The following IL17B variants were observed in gnomAD, a reference collection of about 807,000 sequenced individuals.
IL17B encodes interleukin 17B, also known as interleukin-17B.
IL17B carries 14 observed loss-of-function variants against 14.7 expected under a neutral mutation model. That is an observed-to-expected ratio of 0.95 (90% CI 0.63 to 1.49). The LOEUF (loss-of-function observed/expected upper bound fraction) is 1.49, where lower values mean the gene tolerates loss of function less well. Among genes scored for constraint, IL17B ranks in the 40% most tolerant of loss-of-function variants. The pLI, the probability that IL17B is intolerant of heterozygous loss-of-function variation, is 0.00. For missense variants in IL17B, 233 were observed against 252.8 expected, an observed-to-expected ratio of 0.92 and a Z score of 0.53; for synonymous variants, 105 against 94.8, an observed-to-expected ratio of 1.11 and a Z score of -0.62.
chr5:149,387,934 G>C (rs1286208019), intron 1 of IL17B, among the ~76,000 whole-genome samples: 1 of 152,202 alleles, frequency 6.6e-6, no homozygotes, highest in East Asian at 1.9e-4. Flanking sequence ...ATGTAAGTTG[G>C]GCCCCTGAGG....
At chr5:149,401,225 G>A (rs1001811622) in intron 1 of IL17B, among the ~76,000 whole-genome samples, 2 of 152,180 alleles carry the variant, frequency 1.3e-5, no homozygotes, top group African/African-American at 4.8e-5. Context: ...ATAAGCTTCC[G>A]ATTCCCTGTA....
intron 1 of IL17B, among the ~76,000 whole-genome samples, chr5:149,386,961 G>A (rs929750888): frequency 1.3e-5 from 2 of 152,084 alleles, no homozygotes; most frequent in Admixed American, 6.5e-5. Context: ...CCGCCTCAGC[G>A]TCCCAAAGTG....
chr5:149,385,661 T>C (rs1758811158), intron 1 of IL17B, among the ~76,000 whole-genome samples: 2 of 152,182 alleles, frequency 1.3e-5, no homozygotes, highest in Admixed American at 1.3e-4. Flanking sequence ...TGTCCTCCCC[T>C]CAGTCCCGGG....
chr5:149,380,643 C>G (rs1209493707), upstream of IL17B, among the ~76,000 whole-genome samples: 1 of 152,194 alleles, frequency 6.6e-6, no homozygotes, highest in Non-Finnish European at 1.5e-5. Flanking sequence ...CACATCCACC[C>G]AGGGAGGCAG....
chr5:149,386,301 C>T lies in IL17B; in HGVS notation n.96-9276G>A, dbSNP rs116376435. Among the ~76,000 whole-genome samples the T allele has an allele frequency of 3.7e-3, 562 of 152,264 alleles. 2 individuals are homozygous for T. Among genetic ancestry groups the T allele is most frequent in the African/African-American group, 0.013 (537 of 41,548 alleles). On this transcript the variant is annotated intron_variant and non_coding_transcript_variant, in intron 1 of 2. Coordinates refer to the IL17B transcript ENST00000505432. Reference sequence around the variant, plus strand: ...GCTCAGGGAGCTTGGGGCTGGCTTGCGATTAGGGCAGGATTAGCAGAGGAA... The same window carrying T: ...GCTCAGGGAGCTTGGGGCTGGCTTGTGATTAGGGCAGGATTAGCAGAGGAA...
chr5:149,385,547 C>T (rs569368993), intron 1 of IL17B, among the ~76,000 whole-genome samples: 1 of 152,348 alleles, frequency 6.6e-6, no homozygotes, highest in South Asian at 2.1e-4. Flanking sequence ...TGTAACTCAC[C>T]CAGACCTGGG....
intron 1 of IL17B, among the ~76,000 whole-genome samples, chr5:149,385,423 C>T (rs920750609): frequency 6.6e-6 from 1 of 152,194 alleles, no homozygotes; most frequent in Admixed American, 6.5e-5. Context: ...GCATTACAGG[C>T]GTGAGCCACC....
At chr5:149,387,613 AT>A (rs1405774729) in intron 1 of IL17B, among the ~76,000 whole-genome samples, 2 of 150,120 alleles carry the variant, frequency 1.3e-5, no homozygotes, top group Non-Finnish European at 3.0e-5. Context: ...CTACAAAAAA[AT>A]AATTTAAAAA....
chr5:149,381,933 G>A (rs773951035), upstream of IL17B, among the ~76,000 whole-genome samples: 3 of 152,204 alleles, frequency 2.0e-5, no homozygotes, highest in Non-Finnish European at 4.4e-5. Flanking sequence ...CACGCAGAGG[G>A]TGGTCAGCAT....
At chr5:149,392,905 T>G (rs910987784) in intron 1 of IL17B, among the ~76,000 whole-genome samples, 8 of 152,076 alleles carry the variant, frequency 5.3e-5, no homozygotes, top group Non-Finnish European at 1.2e-4. Context: ...AGTCTCTGCA[T>G]CTGTGTACGT....
rs1198153382 is a variant in IL17B, at chr5:149,374,584, TG to T, written c.327del (p.Ser110AlafsTer18). 6.2e-7 allele frequency: 1 copy of T among 1,611,580 alleles called. No homozygotes were observed. Among genetic ancestry groups the T allele is most frequent in the Admixed American group, 1.7e-5 (1 of 59,978 alleles). ...TCCGGCAGGTCCACGGGGATACGGC[TG>T]GGGTCGTGGTTGATGCTGCAGGGAG... ...SPWGYSINHD[P>X]SRIPVDLPEA... is the part of the protein sequence containing the mutation. On this transcript the variant is annotated frameshift_variant, in exon 3 of 3. Transcript: ENST00000261796. LOFTEE classifies it high-confidence loss of function. This position sits in a 1 kb window ranked among gnomAD's most constrained non-coding sequence, Gnocchi z 5.0.
intron 1 of IL17B, among the ~76,000 whole-genome samples, chr5:149,378,845 A>G (rs1758612873): frequency 1.3e-5 from 2 of 151,700 alleles, no homozygotes; most frequent in South Asian, 4.2e-4. Context: ...CCCCTCCCTC[A>G]CTCTCCAGAT....
Position 149,374,680 on chromosome 5 carries a change from T to C in IL17B, c.312-80A>G. ...AGCACCCATACTCCACACCCCTGCC[T>C]TTCCTAATCAGAGTTTTAATTTCCA... On this transcript the variant is annotated intron_variant, in intron 2 of 2. Coordinates refer to ENST00000261796, the MANE Select transcript of IL17B (RefSeq NM_014443.3). The surrounding 1 kb of genome is among the most constrained non-coding windows in gnomAD (Gnocchi z 5.0). 9.3e-7 allele frequency: 1 copy of C among 1,077,516 alleles called. No homozygotes were observed. The allele number at this position is 1,077,516 out of a possible 1,614,324, so 66.7% of individuals were successfully genotyped here.
chr5:149,394,728 G>A (rs990033936), intron 1 of IL17B, among the ~76,000 whole-genome samples: 7 of 152,278 alleles, frequency 4.6e-5, no homozygotes, highest in African/African-American at 1.7e-4. Context: ...AAAATGAAAA[G>A]CTGTTTTTTT....
At chr5:149,379,175 G>A (rs1293018824) in intron 1 of IL17B, 30 bp downstream of exon 1, 4 of 1,613,882 alleles carry the variant, frequency 2.5e-6, no homozygotes, top group Admixed American at 1.7e-5. Context: ...TTAAAAAGGG[G>A]TGGGGGTGCG....
intron 1 of IL17B, among the ~76,000 whole-genome samples, chr5:149,377,998 G>A (rs550013427): frequency 6.6e-6 from 1 of 152,198 alleles, no homozygotes; most frequent in East Asian, 1.9e-4. Flanking sequence ...AAAAAAATTA[G>A]CCGGGTGTGG....
At chr5:149,399,225 C>T (rs890641172) in intron 1 of IL17B, among the ~76,000 whole-genome samples, 3 of 152,284 alleles carry the variant, frequency 2.0e-5, no homozygotes, top group Non-Finnish European at 2.9e-5. Context: ...GGGCCCTGCC[C>T]GGGTGCTGTC....
At chr5:149,385,634 C>A (rs1466405516) in intron 1 of IL17B, among the ~76,000 whole-genome samples, 1 of 152,214 alleles carries the variant, frequency 6.6e-6, no homozygotes, top group Admixed American at 6.5e-5. Context: ...AGGCGCCAGG[C>A]CCCCTGCCCA....
intron 1 of IL17B, among the ~76,000 whole-genome samples, chr5:149,400,883 A>G (rs940067016): frequency 6.6e-6 from 1 of 152,204 alleles, no homozygotes; most frequent in Non-Finnish European, 1.5e-5. Context: ...CACATGTTCC[A>G]GCTCAAGAAG....
Sources: allele counts gnomAD v4.1 joint callset (sites outside exome capture counted in the v4.1 genomes callset), GRCh38; gene constraint gnomAD v4.1.1; non-coding constraint Gnocchi (gnomAD v3.1); transcripts MANE v1.5; gene names NCBI Gene and HGNC (gene_info 2026-07-23, HGNC 2026-07-21).